The following ADAMTSL1 variants were observed in gnomAD, a reference collection of about 807,000 sequenced individuals.
The protein encoded by ADAMTSL1 is ADAMTS-like protein 1.
In ADAMTSL1, 126 loss-of-function variants were observed where a neutral mutation model predicts 201.8. The ratio of observed to expected loss-of-function variants is 0.62; its 90% confidence interval spans 0.54 to 0.72. ADAMTSL1 has a LOEUF of 0.72. Ranked by LOEUF, ADAMTSL1 falls within the 30% of genes least tolerant of loss-of-function variation. The pLI is 0.00. For missense variants in ADAMTSL1, 2,679 were observed against 2,277.8 expected (o/e 1.18, Z -3.59); for synonymous variants, 1,121 against 903.4 (o/e 1.24, Z -4.32).
At chr9:18,770,064 A>C (rs922729282) in intron 16 of ADAMTSL1, among the ~76,000 whole-genome samples, 1 of 152,186 alleles carries the variant, frequency 6.6e-6, no homozygotes, top group Non-Finnish European at 1.5e-5. Flanking sequence ...AGAAATCATC[A>C]GTCCTGCAAG....
chr9:18,679,683 T>C (rs186115285), intron 10 of ADAMTSL1, among the ~76,000 whole-genome samples: 4 of 152,244 alleles, frequency 2.6e-5, no homozygotes, highest in Admixed American at 2.6e-4. Flanking sequence ...AATATGTAGA[T>C]AATATTAACG....
At chr9:17,963,282 A>G (rs535839754) in intron 1 of ADAMTSL1, among the ~76,000 whole-genome samples, 4 of 152,146 alleles carry the variant, frequency 2.6e-5, no homozygotes, top group Non-Finnish European at 5.9e-5. Flanking sequence ...TTGCTTTATC[A>G]TATATTTATT....
At position 18,797,149 on chromosome 9, in the gene ADAMTSL1, G is replaced by A. The variant is rs192239768; in HGVS notation, c.3805+1625G>A. Among the ~76,000 whole-genome samples the A allele has an allele frequency of 3.2e-4, 48 of 152,308 alleles. 1 individual carries two copies. The highest frequency in any genetic ancestry group is 3.4e-3 in the Middle Eastern group (1 of 294). On this transcript the variant is annotated intron_variant, in intron 20 of 28. Transcript: ENST00000380548. ...GCAGCCAAAGAGGCACCAGGGAAGG[G>A]GAGGAGAGGGGCTGCCTGGTGAAGT... is the stretch of plus-strand genomic sequence containing the variant.
At chr9:18,284,994 A>T (rs978605313) in intron 2 of ADAMTSL1, among the ~76,000 whole-genome samples, 2 of 152,178 alleles carry the variant, frequency 1.3e-5, no homozygotes, top group Non-Finnish European at 2.9e-5. Context: ...TCAAACAATC[A>T]TTCAAGGAAC....
At chr9:18,825,707 T>G in intron 21 of ADAMTSL1, among the ~76,000 whole-genome samples, 1 of 150,668 alleles carries the variant, frequency 6.6e-6, no homozygotes, top group East Asian at 1.9e-4. Context: ...TTGTCCCATT[T>G]CTCAGTCACA....
intron 1 of ADAMTSL1, among the ~76,000 whole-genome samples, chr9:18,138,069 A>G (rs1358126877): frequency 6.6e-6 from 1 of 152,172 alleles, no homozygotes; most frequent in Non-Finnish European, 1.5e-5. Flanking sequence ...ATTCCCTGCT[A>G]TGCCACTTGC....
chr9:18,275,748 A>G (rs1832562415), intron 2 of ADAMTSL1, among the ~76,000 whole-genome samples: 1 of 152,104 alleles, frequency 6.6e-6, no homozygotes, highest in Admixed American at 6.5e-5. Context: ...GAATTTGTTA[A>G]TCCTTTAGTG....
At chr9:18,384,643 A>C (rs1027442052) in intron 2 of ADAMTSL1, among the ~76,000 whole-genome samples, 4 of 152,154 alleles carry the variant, frequency 2.6e-5, no homozygotes, top group African/African-American at 9.7e-5. Flanking sequence ...CTGTAACTTC[A>C]TAGGCAATCT....
chr9:18,595,194 A>G lies in ADAMTSL1; in HGVS notation c.474+20928A>G, dbSNP rs117715515. The stretch of plus-strand genomic sequence containing the variant: ...TGCAGAAGACTATCCTTTTGGCCCA[A>G]GAGAGGGATCCTTGCCTGTAGGCCT... On this transcript the variant is annotated intron_variant, in intron 4 of 28. Transcript: ENST00000380548. Among the ~76,000 whole-genome samples the G allele has an allele frequency of 3.1e-3, 471 of 152,314 alleles. 1 individual carries two copies. The highest frequency in any genetic ancestry group is 5.8e-3 in the Non-Finnish European group (397 of 68,020).
intron 23 of ADAMTSL1, among the ~76,000 whole-genome samples, chr9:18,837,711 T>C (rs1825404964): frequency 6.6e-6 from 1 of 152,212 alleles, no homozygotes; most frequent in African/African-American, 2.4e-5. Context: ...ACCCATTAAT[T>C]TACCCAAGTG....
chr9:18,036,102 C>T (rs1267049115), intron 1 of ADAMTSL1, among the ~76,000 whole-genome samples: 1 of 152,108 alleles, frequency 6.6e-6, no homozygotes, highest in Non-Finnish European at 1.5e-5. Flanking sequence ...AATGACCAAG[C>T]TGAGACTTGA....
chr9:17,939,549 G>T (rs532701309), intron 1 of ADAMTSL1, among the ~76,000 whole-genome samples: 1 of 152,094 alleles, frequency 6.6e-6, no homozygotes, highest in East Asian at 1.9e-4. Context: ...TATGACTGTT[G>T]ACATATAAAA....
At chr9:18,373,402 G>A (rs1487908639) in intron 2 of ADAMTSL1, among the ~76,000 whole-genome samples, 6 of 152,106 alleles carry the variant, frequency 3.9e-5, no homozygotes, top group Admixed American at 6.6e-5. Context: ...GATGGGTAGC[G>A]CCTTATAATA....
chr9:18,454,133 G>T (rs540749225), intron 2 of ADAMTSL1, among the ~76,000 whole-genome samples: 2 of 152,168 alleles, frequency 1.3e-5, no homozygotes, highest in Non-Finnish European at 2.9e-5. Flanking sequence ...GCATAGCTCA[G>T]TCTAAGTCTG....
rs145562662 is a variant in ADAMTSL1, at chr9:18,590,826, C to T, written c.474+16560C>T. Among the ~76,000 whole-genome samples the T allele has an allele frequency of 9.5e-3, 1,438 of 151,976 alleles. 12 individuals are homozygous for T. Among genetic ancestry groups the T allele is most frequent in the Non-Finnish European group, 0.014 (963 of 67,940 alleles). ...ATGTATTTGTATAGTTTCCAAAGTT[C>T]GTCTATATTTGTATAGTTTTGAAAG... On this transcript the variant is annotated intron_variant, in intron 4 of 28. Coordinates refer to ENST00000380548, the MANE Select transcript of ADAMTSL1 (RefSeq NM_001040272.6).
chr9:18,608,079 G>A (rs1490011326), intron 4 of ADAMTSL1, among the ~76,000 whole-genome samples: 9 of 152,166 alleles, frequency 5.9e-5, no homozygotes, highest in Non-Finnish European at 1.3e-4. Flanking sequence ...TGATTGTGGT[G>A]TGAACCATAA....
At chr9:18,370,011 G>A (rs1266806089) in intron 2 of ADAMTSL1, among the ~76,000 whole-genome samples, 1 of 152,198 alleles carries the variant, frequency 6.6e-6, no homozygotes, top group Non-Finnish European at 1.5e-5. Flanking sequence ...TGGACGTGGT[G>A]GCTCATGTCT....
Position 18,634,898 on chromosome 9 carries a change from A to AATAT in ADAMTSL1, c.602-1040_602-1037dup, listed in dbSNP as rs1228737107. Among the ~76,000 whole-genome samples, 90 of 127,028 alleles carry AATAT rather than the reference A, an allele frequency of 7.1e-4. 1 individual carries two copies. The highest frequency in any genetic ancestry group is 5.1e-3 in the South Asian group (21 of 4,138). 83.3% of individuals were successfully genotyped at this position (127,028 alleles called of 152,430 possible). ...ATTTATATATATAAATATGTATGTA[A>AATAT]ATATATATTTAATATATATATATTA... On this transcript the variant is annotated intron_variant, in intron 5 of 28. Coordinates refer to ENST00000380548, the MANE Select transcript of ADAMTSL1 (RefSeq NM_001040272.6).
At chr9:18,700,164 G>C (rs1017267561) in intron 13 of ADAMTSL1, among the ~76,000 whole-genome samples, 2 of 152,148 alleles carry the variant, frequency 1.3e-5, no homozygotes, top group South Asian at 2.1e-4. Flanking sequence ...AAACTTTAAT[G>C]CTCCAGCTAT....
Sources: allele counts gnomAD v4.1 joint callset (sites outside exome capture counted in the v4.1 genomes callset), GRCh38; gene constraint gnomAD v4.1.1; transcripts MANE v1.5; gene names NCBI Gene and HGNC (gene_info 2026-07-23, HGNC 2026-07-21).